The following RARS2 variants were observed in gnomAD, a reference collection of about 807,000 sequenced individuals.
RARS2 encodes arginyl-tRNA synthetase 2, mitochondrial, also known as probable arginine--tRNA ligase, mitochondrial.
A neutral mutation model predicts 88.5 loss-of-function variants in RARS2; 67 were observed. The ratio of observed to expected loss-of-function variants is 0.76; its 90% CI spans 0.62 to 0.93. The LOEUF is 0.93. Ranked by LOEUF, RARS2 falls within the 40% of genes least tolerant of loss-of-function variation. The pLI is 0.00. For synonymous variants in RARS2, 239 were observed against 230.3 expected, an observed-to-expected ratio of 1.04 and a Z score of -0.34; for missense variants, 664 against 684.2, an observed-to-expected ratio of 0.97 and a Z score of 0.33.
chr6:87,555,315 G>T, intron 5 of RARS2, 93 bp downstream of exon 5: 1 of 943,180 alleles, frequency 1.1e-6, no homozygotes, highest in African/African-American at 1.6e-5. Flanking sequence ...TTTTCCACAT[G>T]TTATTTATTA....
chr6:87,515,664 A>ACTAT (rs1554169511), intron 18 of RARS2, among the ~76,000 whole-genome samples: 10 of 151,688 alleles, frequency 6.6e-5, no homozygotes, highest in Non-Finnish European at 1.0e-4. Flanking sequence ...GTGGGTAGAA[A>ACTAT]CTATCCACTC....
chr6:87,541,853 A>G, intron 8 of RARS2, 65 bp downstream of exon 8: 1 of 1,254,114 alleles, frequency 8.0e-7, no homozygotes, highest in Non-Finnish European at 1.2e-6. Flanking sequence ...CTCTGGGATT[A>G]AAAACATGTT....
intron 1 of RARS2, among the ~76,000 whole-genome samples, chr6:87,589,276 AGAG>A (rs1776220929): frequency 6.6e-6 from 1 of 152,178 alleles, no homozygotes; most frequent in African/African-American, 2.4e-5. Context: ...TTAGGGAAGC[AGAG>A]GAGGGAGGAC....
At chr6:87,527,404 A>C (rs1776110089) in intron 10 of RARS2, among the ~76,000 whole-genome samples, 1 of 152,206 alleles carries the variant, frequency 6.6e-6, no homozygotes, top group South Asian at 2.1e-4. Context: ...CCTATCTCTC[A>C]CCATGTACAA....
Position 87,517,534 on chromosome 6 carries a change from G to A in RARS2, c.1511+635C>T, listed in dbSNP as rs115716997. Among the ~76,000 whole-genome samples, 392 of 152,176 alleles carry A rather than the reference G, an allele frequency of 2.6e-3. 2 individuals are homozygous for A. Among genetic ancestry groups the A allele is most frequent in the Middle Eastern group, 0.02 (6 of 294 alleles). ...GAAAACCCAGTTGGCTTATTTTTCC[G>A]TACATTCCCTATTGTACATGTGAGT... On this transcript the variant is annotated intron_variant, in intron 17 of 19. Coordinates refer to ENST00000369536, the MANE Select transcript of RARS2 (RefSeq NM_020320.5).
chr6:87,529,141 C>T (rs188707616), intron 10 of RARS2, among the ~76,000 whole-genome samples: 570 of 152,192 alleles, frequency 3.7e-3, no homozygotes, highest in Non-Finnish European at 5.6e-3. Context: ...CATTTATAAG[C>T]CTGTTATAGT....
chr6:87,530,961 A>G lies in RARS2; in HGVS notation c.613-19T>C. 1.2e-6 allele frequency: 2 copies of G among 1,613,720 alleles called. No homozygotes were observed. Among genetic ancestry groups the G allele is most frequent in the Non-Finnish European group, 1.7e-6 (2 of 1,179,960 alleles). On this transcript the variant is annotated intron_variant, in intron 8 of 19. Coordinates refer to ENST00000369536, the MANE Select transcript of RARS2 (RefSeq NM_020320.5). ...CATAAACCTAAAAGTACAATAGTAC[A>G]TTAAATGAAGTACATAACAGGTCAT...
chr6:87,537,234 C>T (rs1413421370), intron 8 of RARS2, among the ~76,000 whole-genome samples: 1 of 152,220 alleles, frequency 6.6e-6, no homozygotes, highest in Non-Finnish European at 1.5e-5. Flanking sequence ...AACTAAACTA[C>T]TAATTGTGTC....
chr6:87,579,721 T>G (rs1025755821), intron 1 of RARS2, among the ~76,000 whole-genome samples: 11 of 111,038 alleles, frequency 9.9e-5, no homozygotes, highest in South Asian at 3.3e-4. Flanking sequence ...GCATGTTTTT[T>G]TTTTTTTTTT....
chr6:87,527,029 G>A (rs985864595), intron 10 of RARS2, among the ~76,000 whole-genome samples: 2 of 151,802 alleles, frequency 1.3e-5, no homozygotes, highest in African/African-American at 2.4e-5. Flanking sequence ...GGACAGTCTC[G>A]GCCAGGCACA....
chr6:87,576,642 C>A (rs549138057), intron 1 of RARS2, among the ~76,000 whole-genome samples: 1 of 152,124 alleles, frequency 6.6e-6, no homozygotes, highest in South Asian at 2.1e-4. Context: ...TGGGTACTCT[C>A]GGGAATTTAA....
Position 87,531,063 on chromosome 6 carries a change from C to T in RARS2, c.613-121G>A, listed in dbSNP as rs1248320708. On this transcript the variant is annotated intron_variant, in intron 8 of 19. Coordinates refer to ENST00000369536, the MANE Select transcript of RARS2 (RefSeq NM_020320.5). ...CATTTAAAATTTTCCAAGTTGGGTA[C>T]ATTACAGAGTGTAACTTTTTCTTTT... The T allele has an allele frequency of 8.8e-6, 13 of 1,477,770 alleles. No homozygotes were observed. In the Admixed American group the frequency reaches 2.0e-4, roughly 23 times the overall value. The allele number at this position is 1,477,770 out of a possible 1,614,324, so 91.5% of individuals were successfully genotyped here. A position where few individuals can be genotyped will look rare whatever the true frequency, so the allele number is the denominator to read the frequency against.
chr6:87,532,711 C>G (rs868022241), intron 8 of RARS2, among the ~76,000 whole-genome samples: 25 of 152,274 alleles, frequency 1.6e-4, no homozygotes, highest in Middle Eastern at 3.4e-3. Context: ...TAAGACTATG[C>G]TGAGTTCTGT....
intron 10 of RARS2, among the ~76,000 whole-genome samples, chr6:87,526,619 A>G (rs1475714967): frequency 1.3e-5 from 2 of 152,038 alleles, no homozygotes; most frequent in Non-Finnish European, 2.9e-5. Flanking sequence ...CATAGGACCA[A>G]TGGAATAGAA....
At chr6:87,519,024 A>C (rs1012438012) in intron 14 of RARS2, 133 bp from the exon 15 acceptor site, 3 of 876,658 alleles carry the variant, frequency 3.4e-6, no homozygotes, top group Non-Finnish European at 5.6e-6. Flanking sequence ...TTACTTGCCT[A>C]ATTTAGGCTA....
chr6:87,569,390 T>C (rs772873510), intron 2 of RARS2, 127 bp downstream of exon 2: 3 of 733,280 alleles, frequency 4.1e-6, no homozygotes, highest in Admixed American at 2.2e-5. Context: ...GTATAATGAA[T>C]CATATCTTAC....
At chr6:87,542,048 G>T in intron 7 of RARS2, 54 bp from the exon 8 acceptor site, 1 of 1,329,056 alleles carries the variant, frequency 7.5e-7, no homozygotes, top group Non-Finnish European at 1.1e-6. Flanking sequence ...CAGAGAATAG[G>T]CATGACAGGG....
intron 13 of RARS2, 138 bp downstream of exon 13, chr6:87,520,042 T>C (rs1773325672): frequency 1.2e-6 from 1 of 811,704 alleles, no homozygotes; most frequent in African/African-American, 1.7e-5. Flanking sequence ...CAAGACATAA[T>C]ACAAAAATCA....
Position 87,530,942 on chromosome 6 carries a change from C to A in RARS2, c.613G>T (p.Val205Phe), listed in dbSNP as rs764110195. ...QSNPLQHLFE[V>F]YVQVNKEAAD... ...GCTTCTTTATTAACTTGTACATAAA[C>A]CTAAAAGTACAATAGTACATTAAAT... is the stretch of plus-strand genomic sequence containing the variant. Residue 205 changes from valine (V) to phenylalanine (F), a missense_variant and splice_region_variant, in exon 9 of 20, where the codon GTT (valine) becomes TTT (phenylalanine). By Grantham distance (50) the Val-to-Phe change is conservative. Coordinates refer to ENST00000369536, the MANE Select transcript of RARS2 (RefSeq NM_020320.5). 6.2e-7 allele frequency: 1 copy of A among 1,613,992 alleles called. No homozygotes were observed. Among genetic ancestry groups the A allele is most frequent in the South Asian group, 1.1e-5 (1 of 91,090 alleles).
Sources: gnomAD v4.1 joint callset for allele counts (sites outside exome capture counted in the v4.1 genomes callset) on GRCh38, gnomAD v4.1.1 for gene constraint, MANE v1.5 for transcripts, NCBI Gene and HGNC (gene_info 2026-07-23, HGNC 2026-07-21) for gene names.